The following BLTP1 variants were observed in gnomAD, a reference collection of about 807,000 sequenced individuals.
BLTP1 encodes bridge-like lipid transfer protein family member 1.
chr4:122,187,905 C>T, the BLTP1 span: 7 of 1,576,762 alleles, frequency 4.4e-6, no homozygotes, highest in Non-Finnish European at 6.0e-6. Context: ...GGACGTTTGG[C>T]CTTTGGAAAT....
the BLTP1 span, chr4:122,246,701 C>G: frequency 6.2e-7 from 1 of 1,612,352 alleles, no homozygotes; most frequent in South Asian, 1.1e-5. Flanking sequence ...ATGTTTGTTA[C>G]AAGCCTCAGT....
At chr4:122,230,028 T>G in the BLTP1 span, 2 of 1,614,156 alleles carry the variant, frequency 1.2e-6, no homozygotes, top group African/African-American at 2.7e-5. Context: ...AGACAGTACA[T>G]TGAGCAATTA....
chr4:122,299,075 C>T, the BLTP1 span: 3 of 975,992 alleles, frequency 3.1e-6, no homozygotes, highest in East Asian at 1.1e-4. Flanking sequence ...TATGGCCCTT[C>T]CCCTTAAGAA....
At chr4:122,200,189 C>T in the BLTP1 span, 5 of 923,620 alleles carry the variant, frequency 5.4e-6, no homozygotes, top group African/African-American at 1.8e-5. Flanking sequence ...CTTAAAGTGG[C>T]ATATTCAGTA....
the BLTP1 span, among the ~76,000 whole-genome samples, chr4:122,176,673 A>G: frequency 6.6e-6 from 1 of 152,142 alleles, no homozygotes; most frequent in Admixed American, 6.5e-5. Flanking sequence ...ACTCCAGTGT[A>G]GGTTTTTTCT....
the BLTP1 span, among the ~76,000 whole-genome samples, chr4:122,212,533 C>A: frequency 6.6e-6 from 1 of 151,924 alleles, no homozygotes; most frequent in African/African-American, 2.4e-5. Context: ...AGTGATACAG[C>A]ATCAGTTTTT....
the BLTP1 span, chr4:122,243,038 G>T: frequency 6.2e-7 from 1 of 1,612,570 alleles, no homozygotes; most frequent in Admixed American, 1.7e-5. Context: ...TTGCTAGACA[G>T]AGGCATGCAA....
the BLTP1 span, chr4:122,215,470 C>G: frequency 2.0e-6 from 2 of 985,032 alleles, no homozygotes; most frequent in Non-Finnish European, 2.4e-6. Context: ...GTAGTTGAGT[C>G]CTTAGATCAG....
the BLTP1 span, chr4:122,359,522 T>C: frequency 6.3e-7 from 1 of 1,592,544 alleles, no homozygotes; most frequent in South Asian, 1.1e-5. Flanking sequence ...TGATTTAACA[T>C]AAATGTATCA....
At chr4:122,187,351 A>G in the BLTP1 span, 8 of 1,568,322 alleles carry the variant, frequency 5.1e-6, no homozygotes, top group Non-Finnish European at 6.9e-6. Flanking sequence ...ACTGTGAGGT[A>G]TGGTATTGTG....
chr4:122,242,360 GA>G, the BLTP1 span, among the ~76,000 whole-genome samples: 502 of 152,274 alleles, frequency 3.3e-3, 4 homozygotes, highest in African/African-American at 0.011. Context: ...TCTGTTAAGT[GA>G]AATAAGTAAG....
chr4:122,155,034 A>G, the BLTP1 span: 1 of 621,870 alleles, frequency 1.6e-6, no homozygotes, highest in Non-Finnish European at 2.0e-6. Context: ...TTCATTTCAT[A>G]ACTAGCTATT....
the BLTP1 span, chr4:122,310,900 C>G: frequency 1.1e-6 from 1 of 926,284 alleles, no homozygotes; most frequent in Non-Finnish European, 1.3e-6. Flanking sequence ...ATACTCATGC[C>G]TATTATCCAA....
At chr4:122,206,741 T>C in the BLTP1 span, among the ~76,000 whole-genome samples, 1 of 151,654 alleles carries the variant, frequency 6.6e-6, no homozygotes, top group Non-Finnish European at 1.5e-5. Context: ...AAGCAACACA[T>C]AAAAAATGTG....
chr4:122,338,607 G>A, the BLTP1 span, among the ~76,000 whole-genome samples: 1 of 152,056 alleles, frequency 6.6e-6, no homozygotes, highest in Non-Finnish European at 1.5e-5. Context: ...TAGGAGACTG[G>A]CTGTAGGACT....
chr4:122,191,045 C>A, the BLTP1 span, among the ~76,000 whole-genome samples: 3 of 152,084 alleles, frequency 2.0e-5, no homozygotes, highest in Non-Finnish European at 4.4e-5. Context: ...TTTCAACTGC[C>A]ACACATTTAC....
chr4:122,271,776 C>A, the BLTP1 span: 1 of 1,179,336 alleles, frequency 8.5e-7, no homozygotes, highest in Non-Finnish European at 1.2e-6. Flanking sequence ...AACAATAATA[C>A]CAAAGAAGCA....
At chr4:122,254,945 A>C in the BLTP1 span, 1 of 1,607,708 alleles carries the variant, frequency 6.2e-7, no homozygotes. Context: ...ATAATGACAG[A>C]AGCATTAGAG....
chr4:122,248,945 G>T, the BLTP1 span: 1 of 298,144 alleles, frequency 3.4e-6, no homozygotes, highest in Non-Finnish European at 5.0e-6. Context: ...AGAGAGAAAT[G>T]AAAAAAGTAA....
Sources: gnomAD v4.1 joint callset for allele counts (sites outside exome capture counted in the v4.1 genomes callset) on GRCh38, gnomAD v4.1.1 for gene constraint, MANE v1.5 for transcripts, NCBI Gene and HGNC (gene_info 2026-07-23, HGNC 2026-07-21) for gene names.